RIPOR2: variants seen among roughly 807,000 people sequenced by gnomAD.
RIPOR2 encodes the protein rho family-interacting cell polarization regulator 2.
A neutral mutation model predicts 114.5 loss-of-function variants in RIPOR2; 39 were observed. That is an observed-to-expected ratio of 0.34 (90% CI 0.26 to 0.44). The LOEUF (loss-of-function observed/expected upper bound fraction) is 0.44, where lower values mean the gene tolerates loss of function less well. Ranked by LOEUF, RIPOR2 falls within the 20% of genes least tolerant of loss-of-function variation. The pLI, the probability that RIPOR2 is intolerant of heterozygous loss-of-function variation, is 1.00. For synonymous variants in RIPOR2, 445 were observed against 484.4 expected, an observed-to-expected ratio of 0.92 and a Z score of 1.07; for missense variants, 1,007 against 1,255.1, an observed-to-expected ratio of 0.80 and a Z score of 2.99.
intron 1 of RIPOR2, among the ~76,000 whole-genome samples, chr6:24,948,576 G>C (rs1454886564): frequency 6.6e-6 from 1 of 151,098 alleles, no homozygotes; most frequent in Non-Finnish European, 1.5e-5. Context: ...TTGTTGCCCA[G>C]GCTGGAGTGC....
At chr6:24,956,260 C>T (rs980408621) in intron 1 of RIPOR2, among the ~76,000 whole-genome samples, 2 of 152,138 alleles carry the variant, frequency 1.3e-5, no homozygotes, top group Non-Finnish European at 2.9e-5. Flanking sequence ...TCATAAATCT[C>T]TTTTTCCCTC....
At chr6:25,033,212 A>G (rs964378841) in intron 1 of RIPOR2, among the ~76,000 whole-genome samples, 1 of 146,894 alleles carries the variant, frequency 6.8e-6, no homozygotes, top group African/African-American at 2.7e-5. Context: ...CATCTCAAAA[A>G]AAAAAAAAAG....
At chr6:24,898,070 G>A (rs1249990273) in intron 1 of RIPOR2, among the ~76,000 whole-genome samples, 1 of 151,780 alleles carries the variant, frequency 6.6e-6, no homozygotes, top group African/African-American at 2.4e-5. Flanking sequence ...AGGAAGGAAG[G>A]AAGGAAGCAA....
At chr6:24,857,758 G>A (rs73398430) in intron 8 of RIPOR2, among the ~76,000 whole-genome samples, 1,963 of 152,248 alleles carry the variant, frequency 0.013, 39 homozygotes, top group African/African-American at 0.045. Flanking sequence ...CAGGATATAT[G>A]CACTGCCTGG....
chr6:24,921,934 A>G (rs1233370496), intron 1 of RIPOR2, among the ~76,000 whole-genome samples: 1 of 151,554 alleles, frequency 6.6e-6, no homozygotes, highest in Non-Finnish European at 1.5e-5. Flanking sequence ...GGTTCAAGCA[A>G]TTCTCTTGCC....
At position 24,910,023 on chromosome 6, in the gene RIPOR2, C is replaced by A. The variant is rs557814194; in HGVS notation, c.61+25815G>T. ...TCAAAATGCACCTACTCCCTTCGAA[C>A]GTGAGGGGTCTCTATCTGCTGCCCA... On this transcript the variant is annotated intron_variant, in intron 1 of 21. Transcript: ENST00000643898. Among the ~76,000 whole-genome samples the A allele has an allele frequency of 4.6e-5, 7 of 152,248 alleles. No individual in the cohort carries two copies. The South Asian group carries it at 1.5e-3, about 32-fold the overall frequency.
chr6:24,840,155 T>A (rs774313075), intron 13 of RIPOR2: 105 of 848,186 alleles, frequency 1.2e-4, no homozygotes, highest in Non-Finnish European at 1.5e-4. Context: ...CTCCCTATGT[T>A]GACCATACCG....
At chr6:25,041,082 A>G (rs916191975) in intron 1 of RIPOR2, among the ~76,000 whole-genome samples, 2 of 152,146 alleles carry the variant, frequency 1.3e-5, no homozygotes, top group Non-Finnish European at 2.9e-5. Flanking sequence ...TCATGCTTTC[A>G]CTATCATTTT....
At chr6:24,955,228 G>T (rs1772975202) in intron 1 of RIPOR2, among the ~76,000 whole-genome samples, 1 of 152,092 alleles carries the variant, frequency 6.6e-6, no homozygotes, top group Admixed American at 6.5e-5. Flanking sequence ...ATTTAAAAAG[G>T]AAGTTTAAAA....
intron 1 of RIPOR2, among the ~76,000 whole-genome samples, chr6:24,904,324 C>A (rs186484803): frequency 6.6e-6 from 1 of 152,308 alleles, no homozygotes; most frequent in African/African-American, 2.4e-5. Flanking sequence ...CTAGAGGTCA[C>A]CTGCATTCCT....
intron 14 of RIPOR2, among the ~76,000 whole-genome samples, chr6:24,837,394 A>G (rs1761215504): frequency 6.6e-6 from 1 of 152,098 alleles, no homozygotes; most frequent in Non-Finnish European, 1.5e-5. Context: ...TGCTGGGATT[A>G]CAGGAGTGAG....
intron 16 of RIPOR2, 112 bp from the exon 17 acceptor site, chr6:24,830,782 C>T: frequency 2.7e-6 from 3 of 1,104,872 alleles, no homozygotes; most frequent in Admixed American, 2.8e-5. Context: ...ATGGCATGAT[C>T]TCAGCTCACT....
chr6:25,024,544 G>T (rs1226230725), intron 1 of RIPOR2: 2 of 601,434 alleles, frequency 3.3e-6, no homozygotes, highest in East Asian at 7.2e-5. Context: ...AGGGTGCAGT[G>T]AACCACTCGG....
At chr6:24,953,201 T>C (rs451084) in intron 1 of RIPOR2, among the ~76,000 whole-genome samples, 123,573 of 151,990 alleles carry the variant, frequency 0.81, 53,438 homozygotes, top group East Asian at 0.96. Context: ...GGCATGGTGG[T>C]GCATGCCTGT....
At chr6:24,982,960 T>G (rs1423212450) in intron 1 of RIPOR2, among the ~76,000 whole-genome samples, 1 of 152,188 alleles carries the variant, frequency 6.6e-6, no homozygotes, top group Non-Finnish European at 1.5e-5. Context: ...CTAAGACCAA[T>G]GTACAGCCAA....
chr6:24,993,739 T>C (rs1024487536), intron 1 of RIPOR2, among the ~76,000 whole-genome samples: 18 of 152,272 alleles, frequency 1.2e-4, no homozygotes, highest in African/African-American at 4.1e-4. Flanking sequence ...TGTTTGCTTG[T>C]TGTAAATAAA....
At chr6:24,912,847 G>A (rs1026265372) in intron 1 of RIPOR2, among the ~76,000 whole-genome samples, 13 of 152,146 alleles carry the variant, frequency 8.5e-5, no homozygotes, top group Non-Finnish European at 1.8e-4. Context: ...AGAGGGAGGA[G>A]GAAGAGGATG....
At chr6:24,963,897 CA>C (rs974894586) in intron 1 of RIPOR2, among the ~76,000 whole-genome samples, 5 of 152,016 alleles carry the variant, frequency 3.3e-5, no homozygotes, top group Non-Finnish European at 7.4e-5. Flanking sequence ...CAGGACATTG[CA>C]AAAATAGTAC....
chr6:24,981,592 C>T (rs1315891551), intron 1 of RIPOR2, among the ~76,000 whole-genome samples: 1 of 152,186 alleles, frequency 6.6e-6, no homozygotes, highest in Non-Finnish European at 1.5e-5. Context: ...CCAGGGTCTC[C>T]TGGCCAGCCC....
Sources: allele counts gnomAD v4.1 joint callset (sites outside exome capture counted in the v4.1 genomes callset), GRCh38; gene constraint gnomAD v4.1.1; transcripts MANE v1.5; gene names NCBI Gene and HGNC (gene_info 2026-07-23, HGNC 2026-07-21).